ST6GAL2: variants seen among roughly 807,000 people sequenced by gnomAD.
ST6GAL2 encodes the protein ST6 beta-galactoside alpha-2,6-sialyltransferase 2.
ST6GAL2 carries 24 observed loss-of-function variants against 37.5 expected under a neutral mutation model. The ratio of observed to expected loss-of-function variants is 0.64; its 90% CI spans 0.46 to 0.90. ST6GAL2 has a LOEUF of 0.90. Among genes scored for constraint, ST6GAL2 ranks in the 40% least tolerant of loss-of-function variants. ST6GAL2 has a pLI of 0.00. For synonymous variants in ST6GAL2, 306 were observed against 295.1 expected, an observed-to-expected ratio of 1.04 and a Z score of -0.38; for missense variants, 715 against 712.7, an observed-to-expected ratio of 1.00 and a Z score of -0.04.
In ST6GAL2 at chr2:106,803,555, G is replaced by T. The variant is rs10202530; in HGVS notation, c.*3123C>A. The T allele has an allele frequency of 0.17, 25,333 of 151,946 alleles. 2,528 individuals are homozygous for T. The highest frequency in any genetic ancestry group is 0.24 in the African/African-American group (10,069 of 41,418). The allele number at this position is 151,946 out of a possible 1,614,324, so 9.4% of individuals were successfully genotyped here. A position where few individuals can be genotyped will look rare whatever the true frequency, so the allele number is the denominator to read the frequency against. ...TGGTGTGACTGGCTGGAGAAATAAG[G>T]TAGGGAGAATCTAGATATGGTTGAA... On this transcript the variant is annotated 3_prime_UTR_variant, in exon 6 of 6. Coordinates refer to ENST00000409382, the MANE Select transcript of ST6GAL2 (RefSeq NM_001142351.2).
upstream of ST6GAL2, chr2:106,886,249 G>A (rs10177491): frequency 0.27 from 41,127 of 152,106 alleles, 8,472 homozygotes; most frequent in African/African-American, 0.58. Context: ...ACTCACGCTG[G>A]CGCCCGCTAG....
Position 106,821,872 on chromosome 2 carries a change from C to T in ST6GAL2, c.1318+8194G>A, listed in dbSNP as rs77500115. 2.4e-3 allele frequency among the ~76,000 whole-genome samples: 359 copies of T among 152,048 alleles called. 2 individuals carry two copies. The highest frequency in any genetic ancestry group is 8.3e-3 in the African/African-American group (344 of 41,542). On this transcript the variant is annotated intron_variant, in intron 5 of 5. Transcript: ENST00000409382. ...GATGGTTCAACATATGCAAATCAATCAATGTGATACATTAACAAAATGAAG... is the reference window on the plus strand; with the variant it reads ...GATGGTTCAACATATGCAAATCAATTAATGTGATACATTAACAAAATGAAG...
At chr2:106,826,062 C>T (rs1248097435) in intron 5 of ST6GAL2, among the ~76,000 whole-genome samples, 5 of 152,278 alleles carry the variant, frequency 3.3e-5, no homozygotes, top group Non-Finnish European at 7.4e-5. Context: ...AAAGAGTCAA[C>T]TTTTAGAGTC....
intron 5 of ST6GAL2, chr2:106,813,257 A>G (rs548678495): frequency 6.9e-6 from 9 of 1,297,408 alleles, no homozygotes; most frequent in Admixed American, 4.1e-5. Context: ...GAAAATAAGT[A>G]TTAGTATTTT....
intron 5 of ST6GAL2, among the ~76,000 whole-genome samples, chr2:106,812,451 G>T (rs1009082024): frequency 3.3e-5 from 5 of 152,172 alleles, no homozygotes; most frequent in African/African-American, 1.2e-4. Flanking sequence ...TCTCTGCCTG[G>T]CATGTACTAA....
In ST6GAL2 at chr2:106,814,622, C is replaced by T. The variant is rs146557414; in HGVS notation, c.1319-7673G>A. Among the ~76,000 whole-genome samples, 637 of 152,262 alleles carry T rather than the reference C, an allele frequency of 4.2e-3. 9 individuals carry two copies. The highest frequency in any genetic ancestry group is 2.0e-3 in the Non-Finnish European group (134 of 68,026). On this transcript the variant is annotated intron_variant, in intron 5 of 5. Coordinates refer to ENST00000409382, the MANE Select transcript of ST6GAL2 (RefSeq NM_001142351.2). ...AGGCCCTGGCTACAAGGCCTGTCTGCCTGTTAACACTCAGGCTGGGAGCCG... is the reference window on the plus strand; with the variant it reads ...AGGCCCTGGCTACAAGGCCTGTCTGTCTGTTAACACTCAGGCTGGGAGCCG...
rs532417234 is a variant in ST6GAL2, at chr2:106,805,811, ATGCAAAAGC to A, written c.*858_*866del. ...CCAATTGTCAAGTGTGTCACTGACT[ATGCAAAAGC>A]TGCAGGGTAGATCTGCAGGTGAGGA... On this transcript the variant is annotated 3_prime_UTR_variant, in exon 6 of 6. Coordinates refer to ENST00000409382, the MANE Select transcript of ST6GAL2 (RefSeq NM_001142351.2). 288 of 152,368 alleles carry A rather than the reference ATGCAAAAGC, an allele frequency of 1.9e-3. 1 individual carries two copies. Among genetic ancestry groups the A allele is most frequent in the African/African-American group, 6.4e-3 (267 of 41,578 alleles). 9.4% of individuals were successfully genotyped at this position (152,368 alleles called of 1,614,324 possible). A position where few individuals can be genotyped will look rare whatever the true frequency, so the allele number is the denominator to read the frequency against.
At chr2:106,884,555 G>A (rs189701080) in intron 1 of ST6GAL2, among the ~76,000 whole-genome samples, 102 of 152,140 alleles carry the variant, frequency 6.7e-4, no homozygotes, top group African/African-American at 2.3e-3. Flanking sequence ...ATCTCTACAA[G>A]ACATTTAACT....
At chr2:106,838,454 T>C (rs1266374540) in intron 2 of ST6GAL2, among the ~76,000 whole-genome samples, 1 of 152,212 alleles carries the variant, frequency 6.6e-6, no homozygotes, top group East Asian at 1.9e-4. Flanking sequence ...GGGAGCTCCA[T>C]CACCCTGGGA....
intron 1 of ST6GAL2, among the ~76,000 whole-genome samples, chr2:106,870,068 G>A (rs1247800012): frequency 6.6e-6 from 1 of 152,162 alleles, no homozygotes; most frequent in African/African-American, 2.4e-5. Flanking sequence ...AGGAGGGTGG[G>A]AAAGCCAGCT....
At chr2:106,816,483 T>C (rs1458319124) in intron 5 of ST6GAL2, among the ~76,000 whole-genome samples, 2 of 152,168 alleles carry the variant, frequency 1.3e-5, no homozygotes, top group Non-Finnish European at 2.9e-5. Flanking sequence ...TTGCAGTAAA[T>C]AGTCAACTCT....
chr2:106,815,653 T>A (rs1039384373), intron 5 of ST6GAL2, among the ~76,000 whole-genome samples: 1 of 152,190 alleles, frequency 6.6e-6, no homozygotes, highest in Admixed American at 6.5e-5. Flanking sequence ...TTTAGGCACA[T>A]GATAATTCAA....
At chr2:106,874,053 A>G (rs538744508) in intron 1 of ST6GAL2, among the ~76,000 whole-genome samples, 2 of 152,242 alleles carry the variant, frequency 1.3e-5, no homozygotes, top group East Asian at 3.9e-4. Flanking sequence ...TTTGACATAG[A>G]TTTATGAAGA....
At chr2:106,871,639 A>G (rs1055263568) in intron 1 of ST6GAL2, among the ~76,000 whole-genome samples, 1 of 152,142 alleles carries the variant, frequency 6.6e-6, no homozygotes, top group African/African-American at 2.4e-5. Context: ...TTTTTTTGTT[A>G]AAAGCTAAGA....
intron 1 of ST6GAL2, among the ~76,000 whole-genome samples, chr2:106,875,414 G>T (rs1291542195): frequency 1.3e-5 from 2 of 152,016 alleles, no homozygotes; most frequent in Non-Finnish European, 2.9e-5. Flanking sequence ...CTGAGCTCAG[G>T]CAATCCACTC....
Position 106,803,664 on chromosome 2 carries a change from A to C in ST6GAL2, c.*3014T>G, listed in dbSNP as rs1042066916. ...CAACAACAACAACAACAACAGGTGA[A>C]ATTATCTTGAAATACAAAAGAACGT... is the stretch of plus-strand genomic sequence containing the variant. On this transcript the variant is annotated 3_prime_UTR_variant, in exon 6 of 6. Transcript: ENST00000409382. 1.2e-4 allele frequency: 18 copies of C among 152,040 alleles called. No individual in the cohort carries two copies. The highest frequency in any genetic ancestry group is 4.1e-4 in the African/African-American group (17 of 41,390). The allele number at this position is 152,040 out of a possible 1,614,324, so 9.4% of individuals were successfully genotyped here. A position where few individuals can be genotyped will look rare whatever the true frequency, so the allele number is the denominator to read the frequency against.
At chr2:106,814,770 C>T (rs10514795) in intron 5 of ST6GAL2, among the ~76,000 whole-genome samples, 30,983 of 152,108 alleles carry the variant, frequency 0.2, 3,720 homozygotes, top group East Asian at 0.49. Flanking sequence ...TATGTCATTA[C>T]GTGGGCAAAA....
At chr2:106,873,054 G>A (rs1678344699) in intron 1 of ST6GAL2, among the ~76,000 whole-genome samples, 1 of 152,166 alleles carries the variant, frequency 6.6e-6, no homozygotes, top group South Asian at 2.1e-4. Context: ...CACTCAGAAG[G>A]ATGTGAGTCT....
intron 1 of ST6GAL2, among the ~76,000 whole-genome samples, chr2:106,882,304 C>T (rs1418083560): frequency 6.6e-6 from 1 of 152,152 alleles, no homozygotes; most frequent in East Asian, 1.9e-4. Context: ...GGATCTCAGT[C>T]TAATAGCATG....
Sources: gnomAD v4.1 joint callset for allele counts (sites outside exome capture counted in the v4.1 genomes callset) on GRCh38, gnomAD v4.1.1 for gene constraint, MANE v1.5 for transcripts, NCBI Gene and HGNC (gene_info 2026-07-23, HGNC 2026-07-21) for gene names.